Variants in FAR2 observed in about 807,000 individuals in gnomAD.
FAR2 encodes the protein epididymis secretory protein Li 81.
In FAR2, 19 loss-of-function variants were observed where a neutral mutation model predicts 56.0. The ratio of observed to expected loss-of-function variants is 0.34; its 90% CI spans 0.24 to 0.50. The LOEUF is 0.50. FAR2 is among the 20% of genes least tolerant of loss of function. The pLI, the probability that FAR2 is intolerant of heterozygous loss-of-function variation, is 0.98. For synonymous variants in FAR2, 219 were observed against 218.8 expected (o/e 1.00, Z -0.01); for missense variants, 508 against 642.2 (o/e 0.79, Z 2.26).
At chr12:29,194,065 C>G (rs1371114036) in intron 1 of FAR2, among the ~76,000 whole-genome samples, 1 of 152,160 alleles carries the variant, frequency 6.6e-6, no homozygotes, top group Non-Finnish European at 1.5e-5. Flanking sequence ...TTCTCTTGCT[C>G]TCTCCGTAGG....
intron 1 of FAR2, among the ~76,000 whole-genome samples, chr12:29,198,996 C>CT (rs1947370382): frequency 6.6e-6 from 1 of 152,118 alleles, no homozygotes; most frequent in South Asian, 2.1e-4. Flanking sequence ...TCTCAATGTA[C>CT]TTAAAGTCTA....
intron 2 of FAR2, among the ~76,000 whole-genome samples, chr12:29,285,554 G>A (rs1460685738): frequency 6.6e-6 from 1 of 151,926 alleles, no homozygotes; most frequent in African/African-American, 2.4e-5. Context: ...AGGAAGGGAA[G>A]AAGGAAGGGA....
intron 9 of FAR2, among the ~76,000 whole-genome samples, chr12:29,319,069 C>T (rs1291019882): frequency 6.6e-6 from 1 of 151,730 alleles, no homozygotes; most frequent in African/African-American, 2.4e-5. Flanking sequence ...CAGCGCACTG[C>T]AACCTCTGCC....
chr12:29,331,991 C>G (rs1251163866), intron 10 of FAR2: 1 of 152,100 alleles, frequency 6.6e-6, no homozygotes, highest in African/African-American at 2.4e-5. Context: ...GGCACAACTT[C>G]TCTCCCTAAA....
chr12:29,229,425 G>A (rs1947819171), intron 1 of FAR2, among the ~76,000 whole-genome samples: 1 of 152,064 alleles, frequency 6.6e-6, no homozygotes, highest in Non-Finnish European at 1.5e-5. Context: ...GTTAAGTGGT[G>A]TTGAGGAACA....
At chr12:29,262,349 G>A (rs577226571) in intron 1 of FAR2, among the ~76,000 whole-genome samples, 3 of 152,194 alleles carry the variant, frequency 2.0e-5, no homozygotes, top group South Asian at 2.1e-4. Flanking sequence ...AAGAAATTAA[G>A]GCTTGGCGTG....
intron 10 of FAR2, among the ~76,000 whole-genome samples, chr12:29,322,465 C>T (rs915747885): frequency 6.6e-6 from 1 of 152,190 alleles, no homozygotes; most frequent in Non-Finnish European, 1.5e-5. Flanking sequence ...CGATCTCCCT[C>T]TCTATAGGAT....
At chr12:29,261,317 A>G (rs991100595) in intron 1 of FAR2, among the ~76,000 whole-genome samples, 4 of 152,220 alleles carry the variant, frequency 2.6e-5, no homozygotes, top group African/African-American at 9.6e-5. Context: ...GTCTCTTAAC[A>G]TGAGAGTTGA....
chr12:29,320,314 C>T (rs145669611), intron 9 of FAR2, among the ~76,000 whole-genome samples: 9 of 152,230 alleles, frequency 5.9e-5, no homozygotes, highest in Non-Finnish European at 8.8e-5. Flanking sequence ...CATGTCCAAC[C>T]GTTATTTTTA....
Position 29,307,568 on chromosome 12 carries a change from G to A in FAR2, c.546-90G>A, listed in dbSNP as rs1273881097. The A allele has an allele frequency of 3.1e-6, 4 of 1,304,152 alleles. No individual in the cohort carries two copies. The African/African-American group carries it at 4.5e-5, about 15-fold the overall frequency. The allele number at this position is 1,304,152 out of a possible 1,614,324, so 80.8% of individuals were successfully genotyped here. A position where few individuals can be genotyped will look rare whatever the true frequency, so the allele number is the denominator to read the frequency against. ...TGAATTCCAGAACCGAGGCTAAAAGGTGGAAGTTTTGTTTGATTGTGTCTC... is the reference window on the plus strand; with the variant it reads ...TGAATTCCAGAACCGAGGCTAAAAGATGGAAGTTTTGTTTGATTGTGTCTC... On this transcript the variant is annotated intron_variant, in intron 4 of 11. Transcript: ENST00000536681.
chr12:29,317,523 G>C (rs925724096), intron 9 of FAR2, among the ~76,000 whole-genome samples: 1 of 152,172 alleles, frequency 6.6e-6, no homozygotes, highest in Admixed American at 6.5e-5. Context: ...AGCAGTCATA[G>C]TGAGAAGCCA....
Position 29,205,119 on chromosome 12 carries a change from A to AC in FAR2, c.-39+55712_-39+55713insC. Among the ~76,000 whole-genome samples, 2 of 152,180 alleles carry AC rather than the reference A, an allele frequency of 1.3e-5. 1 individual carries two copies. Among genetic ancestry groups the AC allele is most frequent in the East Asian group, 3.9e-4 (2 of 5,190 alleles). Reference sequence around the variant, plus strand: ...TTTACATTGTTGCTTTCATGGAGAAATTTGAGGTTCTCCATTGACTTATAC... The same window carrying AC: ...TTTACATTGTTGCTTTCATGGAGAAACTTTGAGGTTCTCCATTGACTTATAC... On this transcript the variant is annotated intron_variant, in intron 1 of 11. Coordinates refer to ENST00000536681, the MANE Select transcript of FAR2 (RefSeq NM_001271783.2).
intron 1 of FAR2, among the ~76,000 whole-genome samples, chr12:29,251,564 C>T (rs1387128608): frequency 1.3e-5 from 2 of 152,150 alleles, no homozygotes; most frequent in Non-Finnish European, 2.9e-5. Flanking sequence ...CTAACCTGTA[C>T]TGTGGTCTTT....
At chr12:29,163,973 A>G (rs921686982) in intron 1 of FAR2, among the ~76,000 whole-genome samples, 12 of 152,188 alleles carry the variant, frequency 7.9e-5, no homozygotes, top group African/African-American at 2.9e-4. Context: ...ACCATGCACA[A>G]TTGCCCTTTG....
chr12:29,167,755 G>A (rs546177870), intron 1 of FAR2, among the ~76,000 whole-genome samples: 11 of 152,280 alleles, frequency 7.2e-5, no homozygotes, highest in African/African-American at 2.2e-4. Flanking sequence ...TGACAATTTG[G>A]TGCTTTATTT....
chr12:29,281,556 GAC>G (rs1948783458), intron 2 of FAR2: 1 of 152,160 alleles, frequency 6.6e-6, no homozygotes, highest in African/African-American at 2.4e-5. Flanking sequence ...CAAGAGTAAA[GAC>G]GGAAACTAAT....
chr12:29,188,950 G>C (rs2136605051), intron 1 of FAR2, among the ~76,000 whole-genome samples: 1 of 152,120 alleles, frequency 6.6e-6, no homozygotes, highest in South Asian at 2.1e-4. Flanking sequence ...TATCATATCA[G>C]GGGTTTTTGA....
At chr12:29,230,451 A>C (rs1393496676) in intron 1 of FAR2, among the ~76,000 whole-genome samples, 106 of 151,932 alleles carry the variant, frequency 7.0e-4, no homozygotes, top group Non-Finnish European at 2.1e-4. Context: ...GTGATAGGAA[A>C]TGCAATCAGA....
intron 6 of FAR2, chr12:29,310,043 A>G (rs1424508473): frequency 6.6e-6 from 1 of 152,224 alleles, no homozygotes; most frequent in African/African-American, 2.4e-5. Context: ...ACAGTGAATT[A>G]TAACAGTGAC....
Sources: allele counts gnomAD v4.1 joint callset (sites outside exome capture counted in the v4.1 genomes callset), GRCh38; gene constraint gnomAD v4.1.1; transcripts MANE v1.5; gene names NCBI Gene and HGNC (gene_info 2026-07-23, HGNC 2026-07-21).